The following FAM171B variants were observed in gnomAD, a reference collection of about 807,000 sequenced individuals.
FAM171B encodes protein FAM171B.
A neutral mutation model predicts 75.6 loss-of-function variants in FAM171B; 19 were observed. The observed-to-expected ratio is 0.25, with a 90% CI of 0.18 to 0.37. FAM171B has a LOEUF of 0.37. Among genes scored for constraint, FAM171B ranks in the 10% least tolerant of loss-of-function variants. FAM171B has a pLI of 1.00. For synonymous variants in FAM171B, 367 were observed against 361.7 expected (o/e 1.01, Z -0.17); for missense variants, 848 against 982.4 (o/e 0.86, Z 1.83).
At chr2:186,729,108 A>G (rs2595395) in intron 1 of FAM171B, among the ~76,000 whole-genome samples, 65,569 of 151,912 alleles carry the variant, frequency 0.43, 14,527 homozygotes, top group East Asian at 0.74. Flanking sequence ...CCATCTGCTA[A>G]ATAGTTAAAT....
At chr2:186,696,528 A>G (rs964750215) in intron 1 of FAM171B, among the ~76,000 whole-genome samples, 2 of 142,190 alleles carry the variant, frequency 1.4e-5, no homozygotes, top group Non-Finnish European at 3.0e-5. Flanking sequence ...TCTCTCTCAT[A>G]CTAGATGCCC....
intron 1 of FAM171B, among the ~76,000 whole-genome samples, chr2:186,739,709 CT>C (rs1156980238): frequency 6.6e-6 from 1 of 152,066 alleles, no homozygotes; most frequent in Non-Finnish European, 1.5e-5. Context: ...CTGCCTGAGT[CT>C]TTTTTACAAT....
intron 1 of FAM171B, among the ~76,000 whole-genome samples, chr2:186,730,513 T>G (rs1690099330): frequency 6.6e-6 from 1 of 152,176 alleles, no homozygotes; most frequent in East Asian, 1.9e-4. Context: ...AGGACCCTGT[T>G]AGTCAGGCCT....
At chr2:186,721,810 T>C (rs1689957647) in intron 1 of FAM171B, among the ~76,000 whole-genome samples, 1 of 152,150 alleles carries the variant, frequency 6.6e-6, no homozygotes, top group Admixed American at 6.5e-5. Flanking sequence ...GCTCTAAAAC[T>C]TTCTTGGTTC....
chr2:186,741,647 T>G (rs1690289838), intron 2 of FAM171B, among the ~76,000 whole-genome samples: 1 of 152,122 alleles, frequency 6.6e-6, no homozygotes, highest in Non-Finnish European at 1.5e-5. Flanking sequence ...CTTAAAAAAG[T>G]TGTTAAATGA....
rs1393375064 is a variant in FAM171B at position 186,759,048 on chromosome 2, A to G, written c.1013-2065A>G. ...CCCACAAAGGAATGAGAACATGCAA[A>G]GTCTGTTTTTCTATGCCTGGCTTAT... On this transcript the variant is annotated intron_variant, in intron 6 of 7. Transcript: ENST00000304698. Among the ~76,000 whole-genome samples, 4 of 152,184 alleles carry G rather than the reference A, an allele frequency of 2.6e-5. No individual in the cohort carries two copies. In the East Asian group the frequency reaches 5.8e-4, roughly 22 times the overall value.
chr2:186,756,776 C>T (rs1690538524), intron 6 of FAM171B, among the ~76,000 whole-genome samples: 1 of 152,148 alleles, frequency 6.6e-6, no homozygotes, highest in Non-Finnish European at 1.5e-5. Context: ...GCAGCAGGTT[C>T]TCAGTTTACC....
At chr2:186,699,898 G>A (rs1261794030) in intron 1 of FAM171B, among the ~76,000 whole-genome samples, 2 of 152,116 alleles carry the variant, frequency 1.3e-5, no homozygotes, top group African/African-American at 2.4e-5. Flanking sequence ...CCTAATGTAT[G>A]TTCTTGGCAA....
chr2:186,716,840 C>A (rs1055773243), intron 1 of FAM171B, among the ~76,000 whole-genome samples: 21 of 152,000 alleles, frequency 1.4e-4, no homozygotes, highest in African/African-American at 4.1e-4. Context: ...TTCTATTTTT[C>A]TTTTCTGGGA....
intron 1 of FAM171B, among the ~76,000 whole-genome samples, chr2:186,730,566 T>C (rs1049857166): frequency 9.2e-5 from 14 of 152,192 alleles, no homozygotes; most frequent in African/African-American, 3.1e-4. Flanking sequence ...GATATAGATA[T>C]AGGTGATCTC....
intron 1 of FAM171B, among the ~76,000 whole-genome samples, chr2:186,735,444 G>T (rs960472044): frequency 6.6e-6 from 1 of 152,076 alleles, no homozygotes; most frequent in African/African-American, 2.4e-5. Flanking sequence ...GAGTAATTGG[G>T]GAAATTGCAT....
intron 1 of FAM171B, among the ~76,000 whole-genome samples, chr2:186,700,534 A>G (rs908235359): frequency 1.7e-4 from 26 of 152,172 alleles, no homozygotes; most frequent in African/African-American, 6.3e-4. Context: ...GCTTAGTATA[A>G]TTTCCACAGA....
intron 1 of FAM171B, among the ~76,000 whole-genome samples, chr2:186,724,400 A>G (rs1156457771): frequency 6.6e-6 from 1 of 152,176 alleles, no homozygotes; most frequent in Non-Finnish European, 1.5e-5. Context: ...CAATGCCTTG[A>G]CAGCTTTGGA....
Position 186,763,875 on chromosome 2 carries a change from G to C in FAM171B, c.*1052G>C, listed in dbSNP as rs567393308. On this transcript the variant is annotated 3_prime_UTR_variant, in exon 8 of 8. Coordinates refer to ENST00000304698, the MANE Select transcript of FAM171B (RefSeq NM_177454.4). ...GCTCAAAAATACCTTCAGGATAGTT[G>C]TATATCCAGTTATTGATTTTCTTAA... 6.6e-6 allele frequency: 1 copy of C among 152,156 alleles called. No individual in the cohort carries two copies. Among genetic ancestry groups the C allele is most frequent in the African/African-American group, 2.4e-5 (1 of 41,566 alleles). The allele number at this position is 152,156 out of a possible 1,614,324, so 9.4% of individuals were successfully genotyped here.
chr2:186,728,597 A>G (rs763853023), intron 1 of FAM171B, among the ~76,000 whole-genome samples: 4 of 152,202 alleles, frequency 2.6e-5, no homozygotes, highest in African/African-American at 4.8e-5. Flanking sequence ...AAAATTTTGA[A>G]TTTATCCCAT....
chr2:186,732,001 T>C (rs1425178621), intron 1 of FAM171B, among the ~76,000 whole-genome samples: 1 of 152,148 alleles, frequency 6.6e-6, no homozygotes, highest in Non-Finnish European at 1.5e-5. Context: ...TGTATAATTA[T>C]TGCATTATAT....
rs969857128 is a variant in FAM171B, at chr2:186,694,089, G to A, written c.-85G>A. 5.0e-5 allele frequency: 69 copies of A among 1,380,380 alleles called. 1 individual carries two copies. The highest frequency in any genetic ancestry group is 5.9e-5 in the Non-Finnish European group (63 of 1,074,004). The allele number at this position is 1,380,380 out of a possible 1,614,324, so 85.5% of individuals were successfully genotyped here. ...ATTGCGCGAGGGGGAGCGAGCGAGC[G>A]GGCGCTGCCAGGAGCCCGCAGCCCT... On this transcript the variant is annotated 5_prime_UTR_variant, in exon 1 of 8. Coordinates refer to ENST00000304698, the MANE Select transcript of FAM171B (RefSeq NM_177454.4).
At chr2:186,733,972 G>T (rs1559087572) in intron 1 of FAM171B, among the ~76,000 whole-genome samples, 1 of 152,114 alleles carries the variant, frequency 6.6e-6, no homozygotes, top group Non-Finnish European at 1.5e-5. Flanking sequence ...GTGAGTAGAG[G>T]GGCATATTTC....
At chr2:186,760,961 GGTTT>G in intron 6 of FAM171B, 148 bp from the exon 7 acceptor site, 2 of 720,368 alleles carry the variant, frequency 2.8e-6, no homozygotes, top group South Asian at 4.5e-5. Flanking sequence ...GGATAGGGAA[GGTTT>G]ACTTCACCCA....
Sources: allele counts gnomAD v4.1 joint callset (sites outside exome capture counted in the v4.1 genomes callset), GRCh38; gene constraint gnomAD v4.1.1; transcripts MANE v1.5; gene names NCBI Gene and HGNC (gene_info 2026-07-23, HGNC 2026-07-21).